The following CTPS2 variants were observed in gnomAD, a reference collection of about 807,000 sequenced individuals.
CTPS2 encodes CTP synthase II.
CTPS2 carries 19 observed loss-of-function variants against 46.8 expected under a neutral mutation model. The observed-to-expected ratio is 0.41, with a 90% CI of 0.28 to 0.60. CTPS2 has a LOEUF of 0.60. Ranked by LOEUF, CTPS2 falls within the 20% of genes least tolerant of loss-of-function variation. The pLI is 0.35. For synonymous variants in CTPS2, 151 were observed against 165.2 expected, an observed-to-expected ratio of 0.91 and a Z score of 0.66; for missense variants, 286 against 447.6, an observed-to-expected ratio of 0.64 and a Z score of 3.26.
chrX:16,681,471 G>A (rs1275349309), intron 9 of CTPS2, among the ~76,000 whole-genome samples: 4 of 111,706 alleles, frequency 3.6e-5, no homozygotes, highest in Non-Finnish European at 7.5e-5. Flanking sequence ...ATAAATATAC[G>A]TATCCAACTG....
intron 13 of CTPS2, chrX:16,654,464 T>A: frequency 8.3e-7 from 1 of 1,202,449 alleles, no homozygotes; most frequent in South Asian, 1.8e-5. Flanking sequence ...ATGGAGAAGT[T>A]AGTTTTGAAG....
intron 14 of CTPS2, among the ~76,000 whole-genome samples, chrX:16,624,794 T>C (rs758075603): frequency 7.1e-5 from 8 of 111,910 alleles, no homozygotes; most frequent in Non-Finnish European, 1.5e-4. Context: ...AATGTTCACT[T>C]AAGAAGTAAA....
chrX:16,613,229 AC>A (rs1216567699), intron 16 of CTPS2, among the ~76,000 whole-genome samples: 30 of 112,404 alleles, frequency 2.7e-4, no homozygotes, highest in Admixed American at 4.7e-4. Flanking sequence ...AGGTTCTGGA[AC>A]ATCACGGTAC....
In CTPS2 at chrX:16,620,551, C is replaced by A. The variant is rs985920949; in HGVS notation, c.1394-219G>T. Among the ~76,000 whole-genome samples, 3 of 112,271 alleles carry A rather than the reference C, an allele frequency of 2.7e-5. No homozygotes were observed. In the Admixed American group the frequency reaches 2.8e-4, roughly 11 times the overall value. On this transcript the variant is annotated intron_variant, in intron 14 of 18. Coordinates refer to ENST00000359276, the MANE Select transcript of CTPS2 (RefSeq NM_175859.3). ...GAAGCACTTCTCAAGTAAGCCATCACCATTGCATAAAAGGAAGCCAGATGC... is the reference window on the plus strand; with the variant it reads ...GAAGCACTTCTCAAGTAAGCCATCAACATTGCATAAAAGGAAGCCAGATGC...
chrX:16,699,469 C>T (rs749098620), intron 2 of CTPS2, among the ~76,000 whole-genome samples: 23 of 112,606 alleles, frequency 2.0e-4, no homozygotes, highest in African/African-American at 6.8e-4. Flanking sequence ...ACTTGATTCT[C>T]ATCTTGATTA....
At chrX:16,700,552 A>G (rs2147377443) in intron 2 of CTPS2, among the ~76,000 whole-genome samples, 1 of 104,823 alleles carries the variant, frequency 9.5e-6, no homozygotes, top group African/African-American at 3.5e-5. Context: ...ACAGAGTGAG[A>G]CTCTGTCTCA....
rs6629163 is a variant in CTPS2 at position 16,651,948 on chromosome X, T to C, written c.1297-12705A>G. Among the ~76,000 whole-genome samples, 7 of 108,763 alleles carry C rather than the reference T, an allele frequency of 6.4e-5. No individual in the cohort carries two copies. In the East Asian group the frequency reaches 2.0e-3, roughly 32 times the overall value. The allele number at this position is 108,763 out of a possible 115,157, so 94.4% of individuals were successfully genotyped here. A position where few individuals can be genotyped will look rare whatever the true frequency, so the allele number is the denominator to read the frequency against. On this transcript the variant is annotated intron_variant, in intron 13 of 18. Coordinates refer to ENST00000359276, the MANE Select transcript of CTPS2 (RefSeq NM_175859.3). ...ATACAGGGACCACTGAAACGTGTTC[T>C]TGCCATGGGGAGAGAGATTGGGCTC...
intron 4 of CTPS2, among the ~76,000 whole-genome samples, chrX:16,695,011 C>CAAA: frequency 9.0e-6 from 1 of 110,732 alleles, no homozygotes; most frequent in South Asian, 3.8e-4. Context: ...AAAACAACAA[C>CAAA]AACAACAACA....
intron 8 of CTPS2, among the ~76,000 whole-genome samples, chrX:16,688,561 G>GCACA: frequency 9.1e-6 from 1 of 109,571 alleles, no homozygotes; most frequent in African/African-American, 3.3e-5. Flanking sequence ...AAGTGCCACT[G>GCACA]CACACAGCTT....
At chrX:16,654,385 T>C in intron 13 of CTPS2, 1 of 1,062,497 alleles carries the variant, frequency 9.4e-7, no homozygotes, top group Non-Finnish European at 1.3e-6. Context: ...CCTTCTCCCA[T>C]CCTTTTTTAT....
At chrX:16,674,757 G>C (rs1359923562) in intron 10 of CTPS2, among the ~76,000 whole-genome samples, 3 of 107,040 alleles carry the variant, frequency 2.8e-5, no homozygotes, top group African/African-American at 6.9e-5. Context: ...AGAATGACAT[G>C]AACCCAGGAG....
intron 1 of CTPS2, among the ~76,000 whole-genome samples, chrX:16,703,929 TTC>T (rs1924782340): frequency 9.5e-6 from 1 of 105,468 alleles, no homozygotes; most frequent in South Asian, 3.9e-4. Context: ...CCTGGGCAAG[TTC>T]TTTTTTTTTT....
intron 15 of CTPS2, among the ~76,000 whole-genome samples, chrX:16,619,931 T>C (rs112666210): frequency 0.013 from 1,447 of 111,256 alleles, 19 homozygotes; most frequent in African/African-American, 0.044. Flanking sequence ...TTCCACAAAA[T>C]TGGCAAAATA....
intron 17 of CTPS2, among the ~76,000 whole-genome samples, chrX:16,598,036 A>G (rs1929388717): frequency 9.2e-6 from 1 of 109,095 alleles, no homozygotes; most frequent in African/African-American, 3.3e-5. Context: ...ATTTTTGTAC[A>G]TTGATTTTGT....
chrX:16,704,021 C>A (rs974661640), intron 1 of CTPS2, among the ~76,000 whole-genome samples: 1 of 108,559 alleles, frequency 9.2e-6, no homozygotes, highest in East Asian at 2.9e-4. Context: ...TCATTGCAAC[C>A]TCCACCTCCC....
chrX:16,651,566 A>G (rs1191602102), intron 13 of CTPS2, among the ~76,000 whole-genome samples: 3 of 111,948 alleles, frequency 2.7e-5, no homozygotes, highest in African/African-American at 9.7e-5. Context: ...CAAGACCAAC[A>G]CTTACTTAGC....
At chrX:16,682,852 G>C (rs953184648) in intron 9 of CTPS2, among the ~76,000 whole-genome samples, 1 of 111,998 alleles carries the variant, frequency 8.9e-6, no homozygotes, top group African/African-American at 3.2e-5. Context: ...TTAGAAGCTT[G>C]CGCCTGGTTA....
At chrX:16,644,349 G>A (rs1229078080) in intron 13 of CTPS2, among the ~76,000 whole-genome samples, 1 of 110,934 alleles carries the variant, frequency 9.0e-6, no homozygotes, top group Non-Finnish European at 1.9e-5. Flanking sequence ...TGTTGCCCAG[G>A]CTGGTCTGGA....
In CTPS2 at chrX:16,590,864, T is replaced by C. The variant is rs1928862986; in HGVS notation, c.1692-2A>G. On this transcript the variant is annotated splice_acceptor_variant, in intron 17 of 18. Transcript: ENST00000359276. LOFTEE classifies it high-confidence loss of function. ...TCACTGGCATCACTGTATCTATCAC[T>C]AGATTAAAAGAGGAACTAATTTAGC... 1 of 1,176,725 alleles carries C rather than the reference T, an allele frequency of 8.5e-7. No individual in the cohort carries two copies. The highest frequency in any genetic ancestry group is 3.0e-5 in the East Asian group (1 of 33,538).
Sources: gnomAD v4.1 joint callset for allele counts (sites outside exome capture counted in the v4.1 genomes callset) on GRCh38, gnomAD v4.1.1 for gene constraint, MANE v1.5 for transcripts, NCBI Gene and HGNC (gene_info 2026-07-23, HGNC 2026-07-21) for gene names.